The following SCARA3 variants were observed in gnomAD, a reference collection of about 807,000 sequenced individuals.
SCARA3 encodes cellular stress response gene protein.
Under a neutral mutation model 47.0 loss-of-function variants are expected in SCARA3, and 39 were observed. That is an observed-to-expected ratio of 0.83 (90% confidence interval 0.64 to 1.08). SCARA3 has a LOEUF of 1.08. Ranked by LOEUF, SCARA3 falls within the 50% of genes least tolerant of loss-of-function variation. The pLI, the probability that SCARA3 is intolerant of heterozygous loss-of-function variation, is 0.00. For missense variants in SCARA3, 724 were observed against 792.3 expected (o/e 0.91, Z 1.04); for synonymous variants, 356 against 334.1 (o/e 1.07, Z -0.71).
chr8:27,693,124 C>CAAAAA, the SCARA3 span, among the ~76,000 whole-genome samples: 1 of 99,094 alleles, frequency 1.0e-5, no homozygotes, highest in African/African-American at 4.1e-5. Flanking sequence ...GACTCTGTCT[C>CAAAAA]AAAAAAAAAA....
chr8:27,646,972 GCCCCCC>G lies in SCARA3; in HGVS notation c.8-2725_8-2720del, dbSNP rs757314343. ...CTTGCCCGCACCCCTGACCGCCCCC[GCCCCCC>G]CCCCGCACACACACACTATTGCCCC... is the stretch of plus-strand genomic sequence containing the variant. On this transcript the variant is annotated intron_variant, in intron 1 of 5. Coordinates refer to ENST00000301904, the MANE Select transcript of SCARA3 (RefSeq NM_016240.3). Among the ~76,000 whole-genome samples the G allele has an allele frequency of 1.1e-3, 25 of 23,508 alleles. 1 individual carries two copies. Among genetic ancestry groups the G allele is most frequent in the Non-Finnish European group, 1.7e-3 (23 of 13,570 alleles). The allele number at this position is 23,508 out of a possible 152,430, so 15.4% of individuals were successfully genotyped here.
At chr8:27,655,756 A>C (rs1801730107) in intron 3 of SCARA3, among the ~76,000 whole-genome samples, 1 of 152,192 alleles carries the variant, frequency 6.6e-6, no homozygotes, top group Non-Finnish European at 1.5e-5. Flanking sequence ...CCTCAACAGT[A>C]GGAGATTCTT....
At position 27,671,429 on chromosome 8, in the gene SCARA3, C is replaced by T; in HGVS notation, c.*78C>T. 7.5e-7 allele frequency: 1 copy of T among 1,337,900 alleles called. No homozygotes were observed. The highest frequency in any genetic ancestry group is 9.5e-7 in the Non-Finnish European group (1 of 1,050,238). The allele number at this position is 1,337,900 out of a possible 1,614,324, so 82.9% of individuals were successfully genotyped here. On this transcript the variant is annotated 3_prime_UTR_variant, in exon 6 of 6. Coordinates refer to ENST00000301904, the MANE Select transcript of SCARA3 (RefSeq NM_016240.3). Reference sequence around the variant, plus strand: ...AGATCCAGGCCCCAGAAAGCCTCACCTACAGACAGCTGTGGTCCTCTGATT... The same window carrying T: ...AGATCCAGGCCCCAGAAAGCCTCACTTACAGACAGCTGTGGTCCTCTGATT...
At chr8:27,641,177 C>G (rs1318673359) in intron 1 of SCARA3, among the ~76,000 whole-genome samples, 1 of 152,184 alleles carries the variant, frequency 6.6e-6, no homozygotes, top group African/African-American at 2.4e-5. Context: ...ATTCTCTTAA[C>G]ATGAAGTTCC....
At chr8:27,695,980 C>T in the SCARA3 span, among the ~76,000 whole-genome samples, 3 of 151,764 alleles carry the variant, frequency 2.0e-5, no homozygotes, top group African/African-American at 7.3e-5. Flanking sequence ...GCACCTACTA[C>T]TCAAACTGCT....
intron 1 of SCARA3, among the ~76,000 whole-genome samples, chr8:27,647,949 C>CA (rs2031301824): frequency 6.6e-6 from 1 of 152,206 alleles, no homozygotes; most frequent in South Asian, 2.1e-4. Context: ...CTCAGGTACT[C>CA]ACAGGTCTAG....
At chr8:27,680,818 C>G (rs1802344564), downstream of SCARA3, among the ~76,000 whole-genome samples, 1 of 152,096 alleles carries the variant, frequency 6.6e-6, no homozygotes, top group Non-Finnish European at 1.5e-5. Flanking sequence ...GGGCTTACCA[C>G]AAGAATGCTA....
the SCARA3 span, chr8:27,701,225 A>G: frequency 6.6e-6 from 1 of 152,236 alleles, no homozygotes; most frequent in Non-Finnish European, 1.5e-5. Flanking sequence ...AACTAAAATG[A>G]ATCTATAGTT....
At chr8:27,636,204 G>A (rs548687978) in intron 1 of SCARA3, among the ~76,000 whole-genome samples, 5 of 152,174 alleles carry the variant, frequency 3.3e-5, no homozygotes, top group Non-Finnish European at 7.3e-5. Context: ...CATCTTACAC[G>A]GGGCCACACT....
chr8:27,715,506 C>T, the SCARA3 span, among the ~76,000 whole-genome samples: 1 of 151,920 alleles, frequency 6.6e-6, no homozygotes, highest in African/African-American at 2.4e-5. The surrounding 1 kb of genome is among the most constrained non-coding windows in gnomAD (Gnocchi z 4.2). Flanking sequence ...AGCTACTTCT[C>T]CACACAGGAA....
At position 27,671,647 on chromosome 8, in the gene SCARA3, C is replaced by CAG; in HGVS notation, c.*297_*298insGA. On this transcript the variant is annotated 3_prime_UTR_variant, in exon 6 of 6. Coordinates refer to ENST00000301904, the MANE Select transcript of SCARA3 (RefSeq NM_016240.3). ...ATACACAGGCATACATGCATGCACA[C>CAG]ACACATGCACGCACACACACATGCA... is the stretch of plus-strand genomic sequence containing the variant. 8.8e-7 allele frequency: 1 copy of CAG among 1,131,780 alleles called. No homozygotes were observed. Among genetic ancestry groups the CAG allele is most frequent in the East Asian group, 4.0e-5 (1 of 25,184 alleles). The allele number at this position is 1,131,780 out of a possible 1,614,324, so 70.1% of individuals were successfully genotyped here. A position where few individuals can be genotyped will look rare whatever the true frequency, so the allele number is the denominator to read the frequency against.
chr8:27,676,473 C>A, downstream of SCARA3: 1 of 1,425,590 alleles, frequency 7.0e-7, no homozygotes. Flanking sequence ...TTTCCCTAAG[C>A]CCAAAGTCTC....
Position 27,672,237 on chromosome 8 carries a change from A to G in SCARA3, c.*886A>G. ...AACATTTATTTCTTCACGTGTCCAG[A>G]AAATTCCTCAATTCATCCTTGCCTC... On this transcript the variant is annotated 3_prime_UTR_variant, in exon 6 of 6. Coordinates refer to ENST00000301904, the MANE Select transcript of SCARA3 (RefSeq NM_016240.3). 1 of 985,490 alleles carries G rather than the reference A, an allele frequency of 1.0e-6. No homozygotes were observed. The allele number at this position is 985,490 out of a possible 1,614,324, so 61.0% of individuals were successfully genotyped here. A position where few individuals can be genotyped will look rare whatever the true frequency, so the allele number is the denominator to read the frequency against.
chr8:27,698,696 A>G, the SCARA3 span, among the ~76,000 whole-genome samples: 3 of 152,222 alleles, frequency 2.0e-5, no homozygotes, highest in Non-Finnish European at 4.4e-5. Flanking sequence ...ACAAAAACCC[A>G]TTGCATCTCT....
At chr8:27,701,080 C>T in the SCARA3 span, 1 of 141,904 alleles carries the variant, frequency 7.0e-6, no homozygotes, top group Non-Finnish European at 1.6e-5. Context: ...TAAATCCATA[C>T]TCACCAGTAA....
At chr8:27,723,244 AC>A in the SCARA3 span, among the ~76,000 whole-genome samples, 1 of 152,146 alleles carries the variant, frequency 6.6e-6, no homozygotes, top group South Asian at 2.1e-4. Flanking sequence ...CTTGAAGTTC[AC>A]CCCTGAGCTG....
At chr8:27,655,659 A>G (rs1159643862) in intron 3 of SCARA3, among the ~76,000 whole-genome samples, 3 of 152,214 alleles carry the variant, frequency 2.0e-5, no homozygotes, top group Admixed American at 6.5e-5. Context: ...ACCATCATAT[A>G]TAAGGATTAT....
At position 27,671,744 on chromosome 8, in the gene SCARA3, AT is replaced by A. The variant is rs1376088391; in HGVS notation, c.*394del. On this transcript the variant is annotated 3_prime_UTR_variant, in exon 6 of 6. Transcript: ENST00000301904. Reference sequence around the variant, plus strand: ...CACATGCACACACACATGCACACATATATGCACAGGCACACACATGTACGCA... The same window carrying A: ...CACATGCACACACACATGCACACATAATGCACAGGCACACACATGTACGCA... 9.8e-7 allele frequency: 1 copy of A among 1,020,080 alleles called. No homozygotes were observed. Among genetic ancestry groups the A allele is most frequent in the Non-Finnish European group, 1.2e-6 (1 of 852,916 alleles). 63.2% of individuals were successfully genotyped at this position (1,020,080 alleles called of 1,614,324 possible). A position where few individuals can be genotyped will look rare whatever the true frequency, so the allele number is the denominator to read the frequency against.
At chr8:27,644,028 A>C (rs1176325849) in intron 1 of SCARA3, among the ~76,000 whole-genome samples, 1 of 152,158 alleles carries the variant, frequency 6.6e-6, no homozygotes, top group African/African-American at 2.4e-5. Flanking sequence ...GTGCCAAGGC[A>C]TGCACCCTCC....
Sources: allele counts gnomAD v4.1 joint callset (sites outside exome capture counted in the v4.1 genomes callset), GRCh38; gene constraint gnomAD v4.1.1; non-coding constraint Gnocchi (gnomAD v3.1); transcripts MANE v1.5; gene names NCBI Gene and HGNC (gene_info 2026-07-23, HGNC 2026-07-21).